TNKS: variants seen among roughly 807,000 people sequenced by gnomAD.
TNKS encodes tankyrase.
A neutral mutation model predicts 135.8 loss-of-function variants in TNKS; 72 were observed. The observed-to-expected ratio is 0.53, with a 90% CI of 0.44 to 0.64. The LOEUF is 0.64. Ranked by LOEUF, TNKS falls within the 30% of genes least tolerant of loss-of-function variation. The probability of loss-of-function intolerance (pLI) is 0.00; values close to 1 mark genes in which losing one functional copy is unlikely to be tolerated. For missense variants in TNKS, 1,769 were observed against 1,674.0 expected (o/e 1.06, Z -0.99); for synonymous variants, 849 against 649.3 (o/e 1.31, Z -4.68).
At chr8:9,572,450 C>A (rs1797790785) in intron 1 of TNKS, among the ~76,000 whole-genome samples, 4 of 152,096 alleles carry the variant, frequency 2.6e-5, no homozygotes, top group Non-Finnish European at 2.9e-5. Flanking sequence ...AAAGTATTGT[C>A]ATTATTTCTA....
rs773758432 is a variant in TNKS at position 9,691,340 on chromosome 8, G to A, written c.1107+10540G>A. On this transcript the variant is annotated intron_variant, in intron 5 of 26. Transcript: ENST00000310430. ...TGAAGGAGTTCCACATTTCTGGGGC[G>A]CTTATCCAATGGAACAGTCACACTG... Among the ~76,000 whole-genome samples, 5 of 152,110 alleles carry A rather than the reference G, an allele frequency of 3.3e-5. No homozygotes were observed. In the South Asian group the frequency reaches 6.2e-4, roughly 19 times the overall value.
In TNKS at chr8:9,624,974, C is replaced by T. The variant is rs571492360; in HGVS notation, c.994+9297C>T. On this transcript the variant is annotated intron_variant, in intron 3 of 26. Transcript: ENST00000310430. ...TATTTAAATCTGTAGTTGCTTGAATCCATAAATGCAGAACCCACAGATACA... is the reference window on the plus strand; with the variant it reads ...TATTTAAATCTGTAGTTGCTTGAATTCATAAATGCAGAACCCACAGATACA... Among the ~76,000 whole-genome samples, 25 of 152,180 alleles carry T rather than the reference C, an allele frequency of 1.6e-4. 1 individual carries two copies. The South Asian group carries it at 5.0e-3, about 30-fold the overall frequency.
chr8:9,631,641 T>G (rs1800293720), intron 3 of TNKS, among the ~76,000 whole-genome samples: 1 of 152,226 alleles, frequency 6.6e-6, no homozygotes, highest in African/African-American at 2.4e-5. Context: ...TTTTAAGTTT[T>G]ATATTTGTGA....
chr8:9,705,617 T>C (rs536938861), intron 6 of TNKS, among the ~76,000 whole-genome samples: 60 of 152,334 alleles, frequency 3.9e-4, no homozygotes, highest in Non-Finnish European at 7.5e-4. Context: ...TTGTGCCATA[T>C]GTGAATGGTG....
At chr8:9,703,266 A>C (rs1803900078) in intron 5 of TNKS, among the ~76,000 whole-genome samples, 1 of 152,198 alleles carries the variant, frequency 6.6e-6, no homozygotes. Context: ...AAGTGGGCAG[A>C]TTTCATCAGG....
chr8:9,593,561 TC>T (rs1798665323), intron 2 of TNKS, among the ~76,000 whole-genome samples: 2 of 151,846 alleles, frequency 1.3e-5, no homozygotes, highest in African/African-American at 4.8e-5. Flanking sequence ...CAAACCCCCT[TC>T]CCCCCAAACC....
chr8:9,751,677 T>A lies in TNKS; in HGVS notation c.2901T>A (p.Pro967=), dbSNP rs1238447745. Residue 967 remains proline, a synonymous_variant, in exon 19 of 27, where the codon CCT becomes CCA. Coordinates refer to ENST00000310430, the MANE Select transcript of TNKS (RefSeq NM_003747.3). ...PPEALPTCFK[P]QATVVSASLI... is the part of the protein sequence containing the mutation. ...AGGCCTTACCTACCTGTTTTAAACC[T>A]CAGGCTACTGTAGTGAGTGCCTCTC... 3 of 1,614,088 alleles carry A rather than the reference T, an allele frequency of 1.9e-6. No homozygotes were observed. In the African/African-American group the frequency reaches 4.0e-5, roughly 22 times the overall value.
intron 8 of TNKS, 96 bp downstream of exon 8, chr8:9,707,093 C>A: frequency 2.0e-6 from 2 of 1,025,098 alleles, no homozygotes; most frequent in Non-Finnish European, 2.7e-6. Context: ...TCCATTCTTA[C>A]AAGCAGACTA....
chr8:9,593,846 A>G (rs1798674803), intron 2 of TNKS, among the ~76,000 whole-genome samples: 1 of 151,630 alleles, frequency 6.6e-6, no homozygotes, highest in Non-Finnish European at 1.5e-5. Context: ...TGCCTTTGGT[A>G]CATTCTTATC....
chr8:9,742,915 C>T (rs1806042911), intron 17 of TNKS, among the ~76,000 whole-genome samples: 2 of 151,806 alleles, frequency 1.3e-5, no homozygotes, highest in Admixed American at 6.6e-5. Flanking sequence ...TTTGTCTCCC[C>T]TTAAGAGTAG....
At chr8:9,646,931 A>G (rs1377972253) in intron 3 of TNKS, among the ~76,000 whole-genome samples, 1 of 152,156 alleles carries the variant, frequency 6.6e-6, no homozygotes, top group Non-Finnish European at 1.5e-5. Context: ...CTGTCTTTAG[A>G]AAAAGAAAAA....
intron 9 of TNKS, among the ~76,000 whole-genome samples, chr8:9,709,735 T>C (rs55670933): frequency 0.026 from 3,907 of 152,344 alleles, 176 homozygotes; most frequent in African/African-American, 0.088. Context: ...TCTCTCTTAA[T>C]GTTTAAGAGC....
chr8:9,768,738 C>G (rs1477513149), intron 25 of TNKS, among the ~76,000 whole-genome samples: 1 of 152,228 alleles, frequency 6.6e-6, no homozygotes, highest in East Asian at 1.9e-4. Flanking sequence ...AGCACTGCCA[C>G]AAATGTAGAG....
intron 20 of TNKS, among the ~76,000 whole-genome samples, chr8:9,755,266 C>T (rs1806775579): frequency 4.6e-5 from 7 of 152,148 alleles, no homozygotes; most frequent in Admixed American, 4.6e-4. Flanking sequence ...CTAGTCACTC[C>T]TTCTGACAGC....
At chr8:9,717,387 A>C (rs1563187954) in intron 11 of TNKS, among the ~76,000 whole-genome samples, 2 of 151,992 alleles carry the variant, frequency 1.3e-5, no homozygotes, top group Non-Finnish European at 2.9e-5. Flanking sequence ...AAACATTAGA[A>C]TCAATTTAAA....
rs1432001502 is a variant in TNKS at position 9,580,173 on chromosome 8, G to T, written c.688G>T (p.Asp230Tyr). ...TTTCTTTTTAGGTTTTGGAAGGAAG[G>T]ATGTTGTAGAACACTTACTACAGAT... ...LHFAAGFGRK[D>Y]VVEHLLQMGA... is the part of the protein sequence containing the mutation. Residue 230 changes from aspartate to tyrosine, a missense_variant, in exon 2 of 27, where the codon GAT becomes TAT. Transcript: ENST00000310430. The T allele has an allele frequency of 6.2e-6, 10 of 1,614,042 alleles. No homozygotes were observed. The highest frequency in any genetic ancestry group is 8.5e-6 in the Non-Finnish European group (10 of 1,179,950).
intron 5 of TNKS, among the ~76,000 whole-genome samples, chr8:9,685,214 A>G (rs1362859659): frequency 6.6e-6 from 1 of 152,190 alleles, no homozygotes. Flanking sequence ...TAGTGAATTT[A>G]GTGCTGTACC....
intron 12 of TNKS, chr8:9,722,293 G>C (rs925731448): frequency 6.6e-6 from 1 of 152,062 alleles, no homozygotes; most frequent in Non-Finnish European, 1.5e-5. Flanking sequence ...TAGAGATTAT[G>C]ATATGTGTAT....
At chr8:9,710,082 A>G (rs1585358892) in intron 10 of TNKS, 36 bp downstream of exon 10, 2 of 1,611,568 alleles carry the variant, frequency 1.2e-6, no homozygotes, top group Non-Finnish European at 1.7e-6. Flanking sequence ...TTCAGTTCCT[A>G]AAGAGGAAAT....
Sources: allele counts gnomAD v4.1 joint callset (sites outside exome capture counted in the v4.1 genomes callset), GRCh38; gene constraint gnomAD v4.1.1; transcripts MANE v1.5; gene names NCBI Gene and HGNC (gene_info 2026-07-23, HGNC 2026-07-21).